The following C2orf76 variants were observed in gnomAD, a reference collection of about 807,000 sequenced individuals.
The protein encoded by C2orf76 is UPF0538 protein C2orf76.
In C2orf76, 23 loss-of-function variants were observed where a neutral mutation model predicts 16.9. The ratio of observed to expected loss-of-function variants is 1.36; its 90% CI spans 0.98 to 1.93. The LOEUF (loss-of-function observed/expected upper bound fraction) is 1.93, where lower values mean the gene tolerates loss of function less well. C2orf76 is among the 30% of genes most tolerant of loss of function. C2orf76 has a pLI of 0.00. For synonymous variants in C2orf76, 48 were observed against 52.3 expected (o/e 0.92, Z 0.35); for missense variants, 152 against 152.6 (o/e 1.00, Z 0.02).
chr2:119,324,397 C>T lies in C2orf76; in HGVS notation c.134-3193G>A, dbSNP rs181688791. On this transcript the variant is annotated intron_variant, in intron 2 of 5. Coordinates refer to ENST00000334816, the MANE Select transcript of C2orf76 (RefSeq NM_001322331.2). ...ACAGGTTTTACAATTATAGTTTTGT[C>T]TTTTAACTTATTTTTGTCACTATTT... 2.0e-5 allele frequency among the ~76,000 whole-genome samples: 3 copies of T among 152,266 alleles called. No individual in the cohort carries two copies. In the East Asian group the frequency reaches 5.8e-4, roughly 29 times the overall value.
chr2:119,325,146 G>A (rs1679466672), intron 2 of C2orf76, among the ~76,000 whole-genome samples: 1 of 151,768 alleles, frequency 6.6e-6, no homozygotes, highest in East Asian at 1.9e-4. Context: ...GACCAGCCTG[G>A]ACAACATAGC....
intron 2 of C2orf76, among the ~76,000 whole-genome samples, chr2:119,331,244 G>A (rs1325315133): frequency 1.3e-5 from 2 of 152,128 alleles, no homozygotes; most frequent in African/African-American, 4.8e-5. Flanking sequence ...TGTTAGGTGG[G>A]ACCAGGACAG....
At chr2:119,323,544 C>T (rs1291031151) in intron 2 of C2orf76, among the ~76,000 whole-genome samples, 4 of 152,100 alleles carry the variant, frequency 2.6e-5, no homozygotes, top group Non-Finnish European at 5.9e-5. Flanking sequence ...GTGTGGTCCT[C>T]ACCCCGGCTG....
chr2:119,306,660 G>T (rs1484347417), intron 5 of C2orf76, among the ~76,000 whole-genome samples: 1 of 151,958 alleles, frequency 6.6e-6, no homozygotes, highest in East Asian at 1.9e-4. Context: ...ATTACTTAGG[G>T]GAATTAGCCC....
the C2orf76 span, among the ~76,000 whole-genome samples, chr2:119,294,235 C>G: frequency 6.6e-6 from 1 of 152,134 alleles, no homozygotes; most frequent in African/African-American, 2.4e-5. Context: ...ATGTGTCCAG[C>G]ACTGCTGAGA....
chr2:119,303,869 C>T (rs923685327), intron 5 of C2orf76, among the ~76,000 whole-genome samples: 7 of 152,082 alleles, frequency 4.6e-5, no homozygotes, highest in African/African-American at 1.4e-4. Flanking sequence ...ACTGCAACCT[C>T]GCATGACAAG....
At chr2:119,349,372 A>C (rs1009740711) in intron 1 of C2orf76, among the ~76,000 whole-genome samples, 3 of 152,242 alleles carry the variant, frequency 2.0e-5, no homozygotes, top group Non-Finnish European at 4.4e-5. Context: ...AGAGTACTGG[A>C]AAGGAGGGAA....
chr2:119,340,070 G>A (rs1207934900), intron 1 of C2orf76, 99 bp from the exon 2 acceptor site: 28 of 1,276,164 alleles, frequency 2.2e-5, no homozygotes, highest in Admixed American at 8.3e-5. Flanking sequence ...CACCAGCCCC[G>A]CTCTTCCATG....
intron 1 of C2orf76, among the ~76,000 whole-genome samples, chr2:119,348,772 G>A (rs1465640056): frequency 6.6e-6 from 1 of 152,184 alleles, no homozygotes; most frequent in Non-Finnish European, 1.5e-5. Flanking sequence ...AGGTGGGCAG[G>A]TTGTTTGAGT....
chr2:119,348,046 C>CAA (rs1205382710), intron 1 of C2orf76, among the ~76,000 whole-genome samples: 194 of 81,706 alleles, frequency 2.4e-3, no homozygotes, highest in African/African-American at 3.3e-3. Flanking sequence ...GGCTCTGTCT[C>CAA]AAAAAAAAAA....
At chr2:119,321,253 T>C (rs370952805) in intron 2 of C2orf76, 49 bp from the exon 3 acceptor site, 10 of 976,358 alleles carry the variant, frequency 1.0e-5, no homozygotes, top group African/African-American at 3.5e-5. Flanking sequence ...TAGACACTCA[T>C]AGAATATGCA....
intron 4 of C2orf76, among the ~76,000 whole-genome samples, chr2:119,316,546 T>C (rs1016445259): frequency 5.9e-5 from 9 of 152,216 alleles, no homozygotes; most frequent in Non-Finnish European, 1.2e-4. Flanking sequence ...TCAACAGACA[T>C]AGCCTCATGC....
chr2:119,317,228 C>A (rs2166507), intron 4 of C2orf76, among the ~76,000 whole-genome samples: 25,873 of 152,002 alleles, frequency 0.17, 2,640 homozygotes, highest in Middle Eastern at 0.29. Flanking sequence ...GCTTGATAAA[C>A]AAAATATGGT....
the C2orf76 span, among the ~76,000 whole-genome samples, chr2:119,291,433 C>T: frequency 2.6e-5 from 4 of 151,718 alleles, no homozygotes; most frequent in Non-Finnish European, 2.9e-5. Flanking sequence ...ATTTAAAGTG[C>T]CGGCTGTTGT....
chr2:119,283,063 C>T, the C2orf76 span, among the ~76,000 whole-genome samples: 2 of 152,294 alleles, frequency 1.3e-5, no homozygotes, highest in Non-Finnish European at 2.9e-5. Context: ...GAATAATTAG[C>T]AGGGTCCTTC....
chr2:119,309,398 C>CTTTTTTTTTTTTTTTTTTTTTTTTTTTTT, intron 5 of C2orf76, among the ~76,000 whole-genome samples: 1 of 71,382 alleles, frequency 1.4e-5, no homozygotes, highest in South Asian at 6.3e-4. Context: ...TTCTCTTTTT[C>CTTTTTTTTTTTTTTTTTTTTTTTTTTTTT]TTTTTTTTTT....
At chr2:119,357,366 AAGTGGT>A (rs1680603346) in intron 1 of C2orf76, among the ~76,000 whole-genome samples, 1 of 152,184 alleles carries the variant, frequency 6.6e-6, no homozygotes. Context: ...CACCCTGACC[AAGTGGT>A]TTTTTCCAGA....
At chr2:119,326,343 A>T (rs1679509789) in intron 2 of C2orf76, among the ~76,000 whole-genome samples, 1 of 152,164 alleles carries the variant, frequency 6.6e-6, no homozygotes. Flanking sequence ...ACTCTCCTCA[A>T]AAATACCTTG....
the C2orf76 span, among the ~76,000 whole-genome samples, chr2:119,296,074 A>G: frequency 6.6e-6 from 1 of 152,212 alleles, no homozygotes; most frequent in Non-Finnish European, 1.5e-5. Context: ...TTGAATAAAT[A>G]TATCTCCTTT....
Sources: gnomAD v4.1 joint callset for allele counts (sites outside exome capture counted in the v4.1 genomes callset) on GRCh38, gnomAD v4.1.1 for gene constraint, MANE v1.5 for transcripts, NCBI Gene and HGNC (gene_info 2026-07-23, HGNC 2026-07-21) for gene names.